Variants in KIFAP3 observed in about 807,000 individuals in gnomAD.
KIFAP3 encodes kinesin-associated protein 3.
In KIFAP3, 68 loss-of-function variants were observed where a neutral mutation model predicts 106.5. That is an observed-to-expected ratio of 0.64 (90% CI 0.53 to 0.78). KIFAP3 has a LOEUF of 0.78. Among genes scored for constraint, KIFAP3 ranks in the 30% least tolerant of loss-of-function variants. The pLI is 0.00. For missense variants in KIFAP3, 780 were observed against 941.8 expected (o/e 0.83, Z 2.25); for synonymous variants, 320 against 311.5 (o/e 1.03, Z -0.29).
chr1:169,955,378 A>G (rs1244719246), intron 18 of KIFAP3, among the ~76,000 whole-genome samples: 1 of 152,218 alleles, frequency 6.6e-6, no homozygotes, highest in Non-Finnish European at 1.5e-5. Flanking sequence ...AATGTAATTT[A>G]TAATAAATGA....
chr1:169,974,913 A>G (rs1055052745), intron 16 of KIFAP3, among the ~76,000 whole-genome samples: 3 of 152,054 alleles, frequency 2.0e-5, no homozygotes, highest in Non-Finnish European at 4.4e-5. Context: ...GGATCCCCCA[A>G]TGATGCCAAA....
intron 19 of KIFAP3, among the ~76,000 whole-genome samples, chr1:169,942,425 CT>C (rs1215063985): frequency 2.0e-5 from 3 of 152,212 alleles, no homozygotes; most frequent in African/African-American, 7.2e-5. Flanking sequence ...CATTTTAAAT[CT>C]TTCTTCCAAG....
At chr1:170,026,276 GT>G (rs1669097172) in intron 8 of KIFAP3, among the ~76,000 whole-genome samples, 1 of 152,094 alleles carries the variant, frequency 6.6e-6, no homozygotes, top group Admixed American at 6.5e-5. Context: ...AAGCCACCCG[GT>G]TTACGGTAAT....
chr1:170,044,096 G>T (rs1670121356), intron 3 of KIFAP3, among the ~76,000 whole-genome samples: 1 of 152,174 alleles, frequency 6.6e-6, no homozygotes, highest in Non-Finnish European at 1.5e-5. Context: ...TGGTCTGGGA[G>T]TGAAGAGAAA....
intron 19 of KIFAP3, among the ~76,000 whole-genome samples, chr1:169,926,616 TATA>T (rs1663147951): frequency 6.6e-6 from 1 of 152,088 alleles, no homozygotes; most frequent in African/African-American, 2.4e-5. Flanking sequence ...TATATAGTTA[TATA>T]ATATTGAGTT....
intron 2 of KIFAP3, among the ~76,000 whole-genome samples, chr1:170,054,072 G>T (rs977502419): frequency 6.6e-6 from 1 of 152,170 alleles, no homozygotes; most frequent in African/African-American, 2.4e-5. Flanking sequence ...CAGAATGGGA[G>T]AAAATTTTTT....
chr1:169,934,382 C>A (rs558229885), intron 19 of KIFAP3, among the ~76,000 whole-genome samples: 2 of 152,140 alleles, frequency 1.3e-5, no homozygotes, highest in East Asian at 3.9e-4. Context: ...AATAACAACA[C>A]CTTTAGGGAT....
intron 19 of KIFAP3, among the ~76,000 whole-genome samples, chr1:169,952,098 A>G (rs1455609406): frequency 6.6e-5 from 10 of 152,022 alleles, no homozygotes; most frequent in Non-Finnish European, 1.5e-4. Context: ...TATGCTTTCT[A>G]GTATTTAACC....
chr1:170,078,033 A>C (rs1202461600), upstream of KIFAP3, among the ~76,000 whole-genome samples: 2 of 151,944 alleles, frequency 1.3e-5, no homozygotes, highest in Non-Finnish European at 2.9e-5. Context: ...TTTTTGTGTT[A>C]GTTAGTATTC....
At chr1:169,979,630 C>T (rs927944051) in intron 15 of KIFAP3, among the ~76,000 whole-genome samples, 6 of 151,888 alleles carry the variant, frequency 4.0e-5, no homozygotes, top group Non-Finnish European at 8.8e-5. Flanking sequence ...CTGACAATGC[C>T]CAGTATTGGA....
At chr1:170,058,891 G>C (rs1206854639) in intron 1 of KIFAP3, among the ~76,000 whole-genome samples, 1 of 151,844 alleles carries the variant, frequency 6.6e-6, no homozygotes, top group African/African-American at 2.4e-5. Context: ...ATATGAAAAC[G>C]TCTCAGGTTA....
At chr1:170,035,103 A>G (rs12121797) in intron 6 of KIFAP3, among the ~76,000 whole-genome samples, 10,908 of 152,038 alleles carry the variant, frequency 0.072, 438 homozygotes, top group Non-Finnish European at 0.095. Flanking sequence ...ACATACATGC[A>G]TATATATAAC....
intron 8 of KIFAP3, among the ~76,000 whole-genome samples, chr1:170,025,775 T>C (rs920799437): frequency 2.6e-5 from 4 of 152,202 alleles, no homozygotes; most frequent in African/African-American, 9.6e-5. Flanking sequence ...CACTATTACA[T>C]TATGCTGACT....
intron 7 of KIFAP3, among the ~76,000 whole-genome samples, chr1:170,033,139 T>G (rs1203854144): frequency 6.6e-6 from 1 of 151,740 alleles, no homozygotes; most frequent in Non-Finnish European, 1.5e-5. Flanking sequence ...ACTATCAATC[T>G]AGATGCCAGA....
intron 19 of KIFAP3, among the ~76,000 whole-genome samples, chr1:169,928,560 GGT>G (rs1216761702): frequency 4.6e-5 from 7 of 151,580 alleles, no homozygotes; most frequent in African/African-American, 1.7e-4. Flanking sequence ...ATGCAGGCAT[GGT>G]GGTGCACACC....
intron 1 of KIFAP3, among the ~76,000 whole-genome samples, chr1:170,082,205 A>G (rs967108028): frequency 2.0e-5 from 3 of 152,232 alleles, no homozygotes; most frequent in Non-Finnish European, 2.9e-5. Context: ...TAACATGTCA[A>G]TTGATACAAA....
At chr1:170,079,184 C>T (rs1671975630), upstream of KIFAP3, among the ~76,000 whole-genome samples, 1 of 152,066 alleles carries the variant, frequency 6.6e-6, no homozygotes, top group Admixed American at 6.6e-5. Flanking sequence ...TCTATTAGTT[C>T]CTGTGAGAGC....
chr1:170,016,809 C>T (rs936837245), intron 9 of KIFAP3, among the ~76,000 whole-genome samples, 185 bp from the exon 10 acceptor site: 1 of 152,100 alleles, frequency 6.6e-6, no homozygotes, highest in Non-Finnish European at 1.5e-5. Context: ...AATATATATG[C>T]CACATCATCC....
At chr1:170,038,240 A>G in intron 5 of KIFAP3, 50 bp downstream of exon 5, 1 of 1,386,420 alleles carries the variant, frequency 7.2e-7, no homozygotes, top group Non-Finnish European at 9.7e-7. Context: ...TTGTATAAAT[A>G]ACTGTAACTT....
Sources: allele counts gnomAD v4.1 joint callset (sites outside exome capture counted in the v4.1 genomes callset), GRCh38; gene constraint gnomAD v4.1.1; transcripts MANE v1.5; gene names NCBI Gene and HGNC (gene_info 2026-07-23, HGNC 2026-07-21).